HDAC9: variants seen among roughly 807,000 people sequenced by gnomAD.
HDAC9 encodes histone deacetylase 9, also known as MEF-2 interacting transcription repressor (MITR) protein.
Under a neutral mutation model 139.4 loss-of-function variants are expected in HDAC9, and 41 were observed. The observed-to-expected ratio is 0.29, with a 90% confidence interval of 0.23 to 0.38. The LOEUF is 0.38. Among genes scored for constraint, HDAC9 ranks in the 10% least tolerant of loss-of-function variants. The pLI is 1.00. For missense variants in HDAC9, 1,147 were observed against 1,297.0 expected, an observed-to-expected ratio of 0.88 and a Z score of 1.78; for synonymous variants, 517 against 476.2, an observed-to-expected ratio of 1.09 and a Z score of -1.12.
chr7:18,562,399 G>A lies in HDAC9; in HGVS notation c.23-22882G>A, dbSNP rs1820901051. Among the ~76,000 whole-genome samples the A allele has an allele frequency of 2.0e-5, 3 of 152,098 alleles. 1 individual carries two copies. The South Asian group carries it at 6.2e-4, about 32-fold the overall frequency. The stretch of plus-strand genomic sequence containing the variant: ...CCATAGCTTAATCCAAAGTCACAAA[G>A]ATTTACTCACGTATTTTCTTGTAGT... On this transcript the variant is annotated intron_variant, in intron 2 of 25. Transcript: ENST00000686413.
At chr7:18,331,690 AATGATT>A (rs1401274409) in intron 1 of HDAC9, among the ~76,000 whole-genome samples, 3 of 151,684 alleles carry the variant, frequency 2.0e-5, no homozygotes, top group Non-Finnish European at 3.0e-5. Flanking sequence ...ATATTAGAAT[AATGATT>A]ATCTTAAGTA....
chr7:18,381,140 A>G (rs1785395567), intron 1 of HDAC9, among the ~76,000 whole-genome samples: 1 of 145,524 alleles, frequency 6.9e-6, no homozygotes, highest in South Asian at 2.2e-4. Flanking sequence ...CAGCGGTTGC[A>G]ATGAGCTGAG....
At chr7:18,301,383 T>G (rs1798527386) in intron 1 of HDAC9, among the ~76,000 whole-genome samples, 1 of 152,178 alleles carries the variant, frequency 6.6e-6, no homozygotes, top group Non-Finnish European at 1.5e-5. Context: ...GTCGTGTTTT[T>G]TAACCTTAAC....
At chr7:18,752,896 A>G (rs1788570498) in intron 14 of HDAC9, among the ~76,000 whole-genome samples, 1 of 152,064 alleles carries the variant, frequency 6.6e-6, no homozygotes, top group African/African-American at 2.4e-5. Context: ...GGGGATGGTA[A>G]AACACAGATT....
intron 22 of HDAC9, among the ~76,000 whole-genome samples, chr7:18,914,938 G>T (rs1803055278): frequency 6.6e-6 from 1 of 152,054 alleles, no homozygotes; most frequent in Non-Finnish European, 1.5e-5. Flanking sequence ...TAGGAAAAAA[G>T]CAGAATGAGA....
At chr7:18,662,767 G>T (rs1016945320) in intron 11 of HDAC9, among the ~76,000 whole-genome samples, 2 of 152,074 alleles carry the variant, frequency 1.3e-5, no homozygotes, top group Admixed American at 6.6e-5. Context: ...GAGGTAGTAC[G>T]AGACGGTGAA....
At chr7:18,333,569 T>C (rs915334380) in intron 1 of HDAC9, among the ~76,000 whole-genome samples, 1 of 151,480 alleles carries the variant, frequency 6.6e-6, no homozygotes, top group African/African-American at 2.4e-5. Flanking sequence ...ATAGGTTATT[T>C]AGAAAATAGT....
At position 18,832,987 on chromosome 7, in the gene HDAC9, C is replaced by T. The variant is rs191793722; in HGVS notation, c.2467-2480C>T. Among the ~76,000 whole-genome samples, 891 of 152,146 alleles carry T rather than the reference C, an allele frequency of 5.9e-3. 5 individuals carry two copies. The highest frequency in any genetic ancestry group is 0.01 in the Admixed American group (158 of 15,282). On this transcript the variant is annotated intron_variant, in intron 19 of 25. Transcript: ENST00000686413. ...CCAACCTCAGGTGATCTGCCCACCTCGGCCTCCCAAAGTGCTGGGATTACA... is the reference window on the plus strand; with the variant it reads ...CCAACCTCAGGTGATCTGCCCACCTTGGCCTCCCAAAGTGCTGGGATTACA...
chr7:18,237,500 A>C (rs1562779753), intron 2 of HDAC9, among the ~76,000 whole-genome samples: 1 of 152,180 alleles, frequency 6.6e-6, no homozygotes, highest in Non-Finnish European at 1.5e-5. Flanking sequence ...TAATTCTGGC[A>C]TATGTGGAAT....
intron 11 of HDAC9, among the ~76,000 whole-genome samples, chr7:18,658,899 C>CAAAAAAAAAAAAAAAAAACAAAAA (rs11306117): frequency 8.5e-6 from 1 of 118,158 alleles, no homozygotes; most frequent in African/African-American, 2.8e-5. Flanking sequence ...AAAAAAAAAG[C>CAAAAAAAAAAAAAAAAAACAAAAA]AAAAAAAAAA....
chr7:18,979,863 T>C (rs1200764598), intron 25 of HDAC9, among the ~76,000 whole-genome samples: 2 of 152,148 alleles, frequency 1.3e-5, no homozygotes, highest in Non-Finnish European at 2.9e-5. Context: ...GTGCAAGCCA[T>C]TCATGAGGGA....
At chr7:18,115,183 C>T (rs11973412) in intron 1 of HDAC9, among the ~76,000 whole-genome samples, 1,903 of 151,834 alleles carry the variant, frequency 0.013, 35 homozygotes, top group African/African-American at 0.043. Context: ...GTCCCAGCTA[C>T]TTGGGAGGCT....
chr7:18,780,006 G>A (rs566800487), intron 16 of HDAC9, among the ~76,000 whole-genome samples: 2 of 152,144 alleles, frequency 1.3e-5, no homozygotes, highest in Non-Finnish European at 2.9e-5. Flanking sequence ...AAATCTTTAC[G>A]TTGTCACTGC....
intron 6 of HDAC9, among the ~76,000 whole-genome samples, chr7:18,594,828 C>T (rs1404817384): frequency 6.6e-6 from 1 of 151,910 alleles, no homozygotes; most frequent in Admixed American, 6.6e-5. Flanking sequence ...TCTTTAGAGA[C>T]AGTAGTAAAT....
intron 1 of HDAC9, among the ~76,000 whole-genome samples, chr7:18,404,454 G>A (rs894012530): frequency 1.1e-4 from 16 of 152,172 alleles, no homozygotes; most frequent in Non-Finnish European, 1.3e-4. Flanking sequence ...CTAGGATTAC[G>A]CTAGACTGTA....
chr7:18,715,690 GA>G (rs1784651184), intron 12 of HDAC9, among the ~76,000 whole-genome samples: 1 of 152,094 alleles, frequency 6.6e-6, no homozygotes, highest in African/African-American at 2.4e-5. Context: ...ATACATTCAT[GA>G]CATATTATCA....
At chr7:18,406,698 T>A (rs1448461053) in intron 1 of HDAC9, among the ~76,000 whole-genome samples, 1 of 152,188 alleles carries the variant, frequency 6.6e-6, no homozygotes, top group Non-Finnish European at 1.5e-5. Context: ...CTTCCCCTTT[T>A]TTTCTAAAAT....
intron 22 of HDAC9, among the ~76,000 whole-genome samples, chr7:18,921,004 T>C (rs1431615522): frequency 6.6e-6 from 1 of 152,104 alleles, no homozygotes; most frequent in Non-Finnish European, 1.5e-5. Context: ...ATTTAATAAA[T>C]GGTGCTGGGA....
intron 14 of HDAC9, among the ~76,000 whole-genome samples, chr7:18,757,190 T>G (rs1455143152): frequency 6.6e-6 from 1 of 152,158 alleles, no homozygotes; most frequent in African/African-American, 2.4e-5. Flanking sequence ...CATTTATGAT[T>G]CTTTATTTTC....
Sources: gnomAD v4.1 joint callset for allele counts (sites outside exome capture counted in the v4.1 genomes callset) on GRCh38, gnomAD v4.1.1 for gene constraint, MANE v1.5 for transcripts, NCBI Gene and HGNC (gene_info 2026-07-23, HGNC 2026-07-21) for gene names.